The following SUGCT variants were observed in gnomAD, a reference collection of about 807,000 sequenced individuals.
SUGCT encodes the protein succinyl-CoA:glutarate CoA-transferase.
Under a neutral mutation model 55.0 loss-of-function variants are expected in SUGCT, and 41 were observed. The ratio of observed to expected loss-of-function variants is 0.74; its 90% CI spans 0.58 to 0.97. SUGCT has a LOEUF of 0.97. SUGCT is among the 50% of genes least tolerant of loss of function. The pLI, the probability that SUGCT is intolerant of heterozygous loss-of-function variation, is 0.00. For synonymous variants in SUGCT, 187 were observed against 200.4 expected (o/e 0.93, Z 0.56); for missense variants, 568 against 547.8 (o/e 1.04, Z -0.37).
intron 7 of SUGCT, among the ~76,000 whole-genome samples, chr7:40,241,113 A>G (rs1040022777): frequency 2.3e-4 from 35 of 152,216 alleles, no homozygotes; most frequent in African/African-American, 8.2e-4. Context: ...GAGAAAATAC[A>G]TTATTATATG....
intron 6 of SUGCT, among the ~76,000 whole-genome samples, chr7:40,207,680 G>A (rs939701549): frequency 1.3e-5 from 2 of 151,916 alleles, no homozygotes; most frequent in African/African-American, 4.8e-5. Flanking sequence ...AGCCAGGCGT[G>A]GTGGCGGGCA....
chr7:40,563,543 A>G (rs1394586130), intron 12 of SUGCT, among the ~76,000 whole-genome samples: 1 of 142,634 alleles, frequency 7.0e-6, no homozygotes, highest in African/African-American at 2.6e-5. Flanking sequence ...TTGTCTTTAC[A>G]AAAAAAAAAA....
At chr7:40,561,370 T>C (rs1033589126) in intron 12 of SUGCT, among the ~76,000 whole-genome samples, 2 of 152,344 alleles carry the variant, frequency 1.3e-5, no homozygotes, top group African/African-American at 4.8e-5. Flanking sequence ...GAAGAATGTA[T>C]TTCATCTGAA....
At chr7:40,631,882 T>G (rs1386019928) in intron 12 of SUGCT, among the ~76,000 whole-genome samples, 1 of 152,194 alleles carries the variant, frequency 6.6e-6, no homozygotes, top group Non-Finnish European at 1.5e-5. Flanking sequence ...GAGATTTACC[T>G]CATTGCTACA....
intron 9 of SUGCT, among the ~76,000 whole-genome samples, chr7:40,322,028 G>T (rs1177054405): frequency 6.6e-6 from 1 of 152,066 alleles, no homozygotes; most frequent in Non-Finnish European, 1.5e-5. Flanking sequence ...CATAGAAGTT[G>T]TACTAATTTA....
chr7:40,571,815 T>G (rs1310858814), intron 12 of SUGCT, among the ~76,000 whole-genome samples: 4 of 152,222 alleles, frequency 2.6e-5, no homozygotes, highest in Admixed American at 2.6e-4. Flanking sequence ...TTTGGGATTA[T>G]GTAGGAATGT....
chr7:40,159,071 A>C (rs115755311), intron 1 of SUGCT, among the ~76,000 whole-genome samples: 5,932 of 152,190 alleles, frequency 0.039, 373 homozygotes, highest in African/African-American at 0.13. Context: ...ATGTGCCACC[A>C]GGCTTGACTA....
chr7:40,718,957 C>T lies in SUGCT; in HGVS notation c.1090-30477C>T, dbSNP rs1584331255. Among the ~76,000 whole-genome samples, 3 of 152,294 alleles carry T rather than the reference C, an allele frequency of 2.0e-5. No homozygotes were observed. The Middle Eastern group carries it at 0.01, about 518-fold the overall frequency. On this transcript the variant is annotated intron_variant, in intron 12 of 13. Transcript: ENST00000335693. ...AAAAAAGGTAACTGAATATGGTTCC[C>T]TAAGGAATTAAGGCCAATTTGGAAA...
the SUGCT span, among the ~76,000 whole-genome samples, chr7:40,918,651 C>G: frequency 6.6e-6 from 1 of 151,958 alleles, no homozygotes; most frequent in South Asian, 2.1e-4. Context: ...TGAGTGAGAC[C>G]AGAATTCTGG....
chr7:40,155,649 C>A (rs964649145), intron 1 of SUGCT, among the ~76,000 whole-genome samples: 1 of 152,110 alleles, frequency 6.6e-6, no homozygotes, highest in African/African-American at 2.4e-5. Context: ...CATCAAGGAA[C>A]ATTTGAGCAC....
At chr7:40,968,687 T>C in the SUGCT span, among the ~76,000 whole-genome samples, 1 of 151,792 alleles carries the variant, frequency 6.6e-6, no homozygotes, top group Non-Finnish European at 1.5e-5. Context: ...TGGGTAAAGG[T>C]AGAGAAAGGA....
At chr7:40,537,556 A>G (rs1433847233) in intron 12 of SUGCT, among the ~76,000 whole-genome samples, 1 of 152,240 alleles carries the variant, frequency 6.6e-6, no homozygotes, top group Non-Finnish European at 1.5e-5. Flanking sequence ...AGATGTAGGC[A>G]AAGTCACATG....
intron 7 of SUGCT, among the ~76,000 whole-genome samples, chr7:40,260,463 C>A (rs554809940): frequency 6.6e-6 from 1 of 152,262 alleles, no homozygotes; most frequent in East Asian, 1.9e-4. Context: ...ATAGCTATGG[C>A]ACTTGATTCC....
chr7:40,651,198 C>G (rs1294516901), intron 12 of SUGCT, among the ~76,000 whole-genome samples: 1 of 151,906 alleles, frequency 6.6e-6, no homozygotes, highest in East Asian at 1.9e-4. Context: ...GCATGTATTC[C>G]CATTCCTACC....
intron 11 of SUGCT, among the ~76,000 whole-genome samples, chr7:40,472,900 G>T (rs1790472077): frequency 6.6e-6 from 1 of 152,072 alleles, no homozygotes; most frequent in Non-Finnish European, 1.5e-5. Context: ...CTAGCTTTAT[G>T]TTACTCAGGA....
chr7:40,351,131 T>C (rs1401152449), intron 9 of SUGCT, among the ~76,000 whole-genome samples: 1 of 152,154 alleles, frequency 6.6e-6, no homozygotes, highest in Non-Finnish European at 1.5e-5. Context: ...TGTTCTTTAT[T>C]GCTGTGTAAG....
At chr7:40,186,978 C>T (rs943828023) in intron 3 of SUGCT, among the ~76,000 whole-genome samples, 3 of 152,130 alleles carry the variant, frequency 2.0e-5, no homozygotes, top group African/African-American at 7.2e-5. Context: ...AAGAATTGTG[C>T]AGGTCACGTA....
chr7:41,022,812 TA>T, the SUGCT span, among the ~76,000 whole-genome samples: 2 of 151,842 alleles, frequency 1.3e-5, no homozygotes, highest in South Asian at 2.1e-4. Context: ...AAAGAAAGTA[TA>T]AAAAAAATAA....
At chr7:40,898,875 T>G in the SUGCT span, among the ~76,000 whole-genome samples, 1 of 151,994 alleles carries the variant, frequency 6.6e-6, no homozygotes, top group Non-Finnish European at 1.5e-5. Flanking sequence ...AGTTCCTAGA[T>G]CAGGGACAGT....
Sources: allele counts gnomAD v4.1 joint callset (sites outside exome capture counted in the v4.1 genomes callset), GRCh38; gene constraint gnomAD v4.1.1; transcripts MANE v1.5; gene names NCBI Gene and HGNC (gene_info 2026-07-23, HGNC 2026-07-21).